HSPB7: variants seen among roughly 807,000 people sequenced by gnomAD.
The protein encoded by HSPB7 is heat shock protein beta-7.
Under a neutral mutation model 11.0 loss-of-function variants are expected in HSPB7, and 9 were observed. The observed-to-expected ratio is 0.82, with a 90% CI of 0.49 to 1.43. The LOEUF (loss-of-function observed/expected upper bound fraction) is 1.43, where lower values mean the gene tolerates loss of function less well. HSPB7 is among the 40% of genes most tolerant of loss of function. HSPB7 has a pLI of 0.00. For missense variants in HSPB7, 246 were observed against 243.9 expected, an observed-to-expected ratio of 1.01 and a Z score of -0.06; for synonymous variants, 102 against 101.6, an observed-to-expected ratio of 1.00 and a Z score of -0.02.
chr1:16,018,057 T>C (rs1270977149), upstream of HSPB7: 1 of 1,599,988 alleles, frequency 6.3e-7, no homozygotes. Flanking sequence ...AGGCTCCGAC[T>C]GCGGCCGCTT....
upstream of HSPB7, chr1:16,019,041 G>A: frequency 1.7e-6 from 2 of 1,198,820 alleles, no homozygotes; most frequent in Non-Finnish European, 2.3e-6. Flanking sequence ...GGCCGAGGTG[G>A]TTTGAACATG....
chr1:16,016,548 G>T (rs1350524530), intron 2 of HSPB7, among the ~76,000 whole-genome samples: 1 of 152,184 alleles, frequency 6.6e-6, no homozygotes, highest in Non-Finnish European at 1.5e-5. Context: ...ACCCGAAACT[G>T]CAGGGCCCCT....
At position 16,017,207 on chromosome 1, in the gene HSPB7, G is replaced by T. The variant is rs751239804; in HGVS notation, c.200C>A (p.Ala67Asp). 6.2e-7 allele frequency: 1 copy of T among 1,612,834 alleles called. No homozygotes were observed. The highest frequency in any genetic ancestry group is 8.5e-7 in the Non-Finnish European group (1 of 1,179,050). ...GATGTTGCCTGCCCCACCGGGGCGG[G>T]CTGTGGGATGGGCTGCTGTGAGCGA... ...RPHSEPLAFP[A>D]RPGGAGNIKT... The change falls in exon 2 of 3, where the codon GCC (alanine) becomes GAC (aspartate). Residue 67 changes from alanine to aspartate, a missense_variant and splice_region_variant. Physicochemically the swap from Ala to Asp is moderately radical, Grantham distance 126 (BLOSUM62 -2). Transcript: ENST00000311890.
At chr1:16,016,974 C>G in intron 2 of HSPB7, 100 bp downstream of exon 2, 2 of 1,271,008 alleles carry the variant, frequency 1.6e-6, no homozygotes, top group East Asian at 2.4e-5. Context: ...GGAAGGGACA[C>G]TGGCCAGGGT....
Position 16,017,905 on chromosome 1 carries a change from G to A in HSPB7, c.59C>T (p.Ser20Phe). ...GGAGGAGGTGGAAGAGGAGGAGGAA[G>A]AGGAAGAGGAATGGAAACTTCTCTC... Reference protein sequence around the residue: ...RAERSFHSSSSSSSSSTSSSA... With the variant: ...RAERSFHSSSFSSSSSTSSSA... The change falls in exon 1 of 3, where the codon TCT becomes TTT. Residue 20 changes from serine (S) to phenylalanine (F), a missense_variant. Physicochemically the swap from Ser to Phe is radical, Grantham distance 155. Transcript: ENST00000311890. 1 of 1,613,236 alleles carries A rather than the reference G, an allele frequency of 6.2e-7. No individual in the cohort carries two copies. The highest frequency in any genetic ancestry group is 8.5e-7 in the Non-Finnish European group (1 of 1,179,358).
At position 16,017,780 on chromosome 1, in the gene HSPB7, G is replaced by T; in HGVS notation, c.184C>A (p.Pro62Thr). ...FGSFMRPHSE[P>T]LAFPARPGGA... The stretch of plus-strand genomic sequence containing the variant: ...GATCACTTGCCTGGGAAGGCCAGGG[G>T]CTCCGAGTGGGGCCGCATGAAGCTG... Residue 62 changes from proline (P) to threonine (T), a missense_variant, in exon 1 of 3, where the codon CCC becomes ACC. Coordinates refer to ENST00000311890, the MANE Select transcript of HSPB7 (RefSeq NM_014424.5). 6.2e-7 allele frequency: 1 copy of T among 1,605,514 alleles called. No homozygotes were observed. Among genetic ancestry groups the T allele is most frequent in the Non-Finnish European group, 8.5e-7 (1 of 1,176,078 alleles).
chr1:16,016,251 G>T lies in HSPB7; in HGVS notation c.334-492C>A, dbSNP rs185863358. ...TGGCACATGCTGCCTGTGGGTTTTGGTGCCCCCAGTCCATGGCATCCCTGG... is the reference window on the plus strand; with the variant it reads ...TGGCACATGCTGCCTGTGGGTTTTGTTGCCCCCAGTCCATGGCATCCCTGG... On this transcript the variant is annotated intron_variant, in intron 2 of 2. Coordinates refer to ENST00000311890, the MANE Select transcript of HSPB7 (RefSeq NM_014424.5). 2.6e-5 allele frequency among the ~76,000 whole-genome samples: 4 copies of T among 152,318 alleles called. No individual in the cohort carries two copies. The East Asian group carries it at 5.8e-4, about 22-fold the overall frequency.
At position 16,017,100 on chromosome 1, in the gene HSPB7, T is replaced by G; in HGVS notation, c.307A>C (p.Asn103His). 1 of 1,612,406 alleles carries G rather than the reference T, an allele frequency of 6.2e-7. No homozygotes were observed. The highest frequency in any genetic ancestry group is 1.7e-5 in the Admixed American group (1 of 59,972). Residue 103 changes from asparagine (N) to histidine (H), a missense_variant, in exon 2 of 3, where the codon AAC (asparagine) becomes CAC (histidine). By Grantham distance (68) the Asn-to-His change is moderately conservative. Coordinates refer to ENST00000311890, the MANE Select transcript of HSPB7 (RefSeq NM_014424.5). Reference sequence around the variant, plus strand: ...TTCTCAGCCCGCACCTCGATGTGGTTGTTGGAGGTGGTGACAATGATGTCT... The same window carrying G: ...TTCTCAGCCCGCACCTCGATGTGGTGGTTGGAGGTGGTGACAATGATGTCT... Reference protein sequence around the residue: ...PEDIIVTTSNNHIEVRAEKLA... With the variant: ...PEDIIVTTSNHHIEVRAEKLA...
At chr1:16,016,032 G>A (rs978417462) in intron 2 of HSPB7, among the ~76,000 whole-genome samples, 1 of 152,350 alleles carries the variant, frequency 6.6e-6, no homozygotes, top group East Asian at 1.9e-4. Context: ...AGGAGGCTCC[G>A]TGGCAGTGGC....
chr1:16,015,605 G>T lies in HSPB7; in HGVS notation c.488C>A (p.Thr163Asn), dbSNP rs777812664. Residue 163 changes from threonine (T) to asparagine (N), a missense_variant, in exon 3 of 3, where the codon ACC becomes AAC. Transcript: ENST00000311890. This position sits in a 1 kb window ranked among gnomAD's most constrained non-coding sequence, Gnocchi z 4.9. ...RHPHTEHVQQ[T>N]FRTEIKI is the part of the protein sequence containing the mutation. Reference sequence around the variant, plus strand: ...TCAGATTTTGATCTCCGTCCGGAAGGTCTGCTGGACGTGTTCTGTATGCGG... The same window carrying T: ...TCAGATTTTGATCTCCGTCCGGAAGTTCTGCTGGACGTGTTCTGTATGCGG... 1.9e-6 allele frequency: 3 copies of T among 1,614,096 alleles called. No individual in the cohort carries two copies. The highest frequency in any genetic ancestry group is 2.5e-6 in the Non-Finnish European group (3 of 1,179,982).
In HSPB7 at chr1:16,015,862, ATGCCGAGGGGCTCTGCCCTCAGG is replaced by A. The variant is rs1400019482; in HGVS notation, c.334-126_334-104del. ...CATTCTAACCCCAGCCAGACCCCAC[ATGCCGAGGGGCTCTGCCCTCAGG>A]TGCCGAGGGGCTGCCCAGGGTGGTG... On this transcript the variant is annotated intron_variant, in intron 2 of 2. Transcript: ENST00000311890. This position sits in a 1 kb window ranked among gnomAD's most constrained non-coding sequence, Gnocchi z 4.9. 1.6e-5 allele frequency: 18 copies of A among 1,097,564 alleles called. No homozygotes were observed. The highest frequency in any genetic ancestry group is 2.6e-5 in the Admixed American group (1 of 38,670). 68.0% of individuals were successfully genotyped at this position (1,097,564 alleles called of 1,614,324 possible). A position where few individuals can be genotyped will look rare whatever the true frequency, so the allele number is the denominator to read the frequency against.
chr1:16,017,362 A>G lies in HSPB7; in HGVS notation c.200-155T>C. 3 of 977,666 alleles carry G rather than the reference A, an allele frequency of 3.1e-6. No individual in the cohort carries two copies. In the South Asian group the frequency reaches 5.0e-5, roughly 16 times the overall value. 60.6% of individuals were successfully genotyped at this position (977,666 alleles called of 1,614,324 possible). On this transcript the variant is annotated intron_variant, in intron 1 of 2. Coordinates refer to ENST00000311890, the MANE Select transcript of HSPB7 (RefSeq NM_014424.5). ...AAGCTCCTCCTCATTCCTACAGCCC[A>G]CCTTTTCTGGGGTGGGGGTGGGGCC...
rs777812664 is a variant in HSPB7 at position 16,015,605 on chromosome 1, G to C, written c.488C>G (p.Thr163Ser). 4 of 1,613,978 alleles carry C rather than the reference G, an allele frequency of 2.5e-6. No individual in the cohort carries two copies. In the African/African-American group the frequency reaches 5.3e-5, roughly 22 times the overall value. The change falls in exon 3 of 3, where the codon ACC becomes AGC. Residue 163 changes from threonine (T) to serine (S), a missense_variant. By Grantham distance (58) the Thr-to-Ser change is moderately conservative (BLOSUM62 1). Coordinates refer to ENST00000311890, the MANE Select transcript of HSPB7 (RefSeq NM_014424.5). This position sits in a 1 kb window ranked among gnomAD's most constrained non-coding sequence, Gnocchi z 4.9. ...TCAGATTTTGATCTCCGTCCGGAAGGTCTGCTGGACGTGTTCTGTATGCGG... is the reference window on the plus strand; with the variant it reads ...TCAGATTTTGATCTCCGTCCGGAAGCTCTGCTGGACGTGTTCTGTATGCGG... ...RHPHTEHVQQ[T>S]FRTEIKI is the part of the protein sequence containing the mutation.
chr1:16,018,873 C>T (rs870038), upstream of HSPB7: 85,413 of 1,337,210 alleles, frequency 0.064, 3,087 homozygotes, highest in South Asian at 0.13. Flanking sequence ...CTGTCCAGCA[C>T]GGCCCCGTTT....
At chr1:16,019,152 G>A (rs1465902103), upstream of HSPB7, 2 of 1,550,198 alleles carry the variant, frequency 1.3e-6, no homozygotes, top group East Asian at 4.9e-5. Context: ...GGGCCAGGGT[G>A]GAGGCCATTC....
Position 16,015,778 on chromosome 1 carries a change from G to C in HSPB7, c.334-19C>G. 6.4e-7 allele frequency: 1 copy of C among 1,560,362 alleles called. No homozygotes were observed. Among genetic ancestry groups the C allele is most frequent in the Non-Finnish European group, 8.7e-7 (1 of 1,151,724 alleles). ...CCGCCAGCTGGGGAAGGGGTGACCC[G>C]TCAGGCAGGCTGCCCCGACCCCTGT... On this transcript the variant is annotated intron_variant, in intron 2 of 2. Coordinates refer to ENST00000311890, the MANE Select transcript of HSPB7 (RefSeq NM_014424.5). The surrounding 1 kb of genome is among the most constrained non-coding windows in gnomAD (Gnocchi z 4.9).
Position 16,017,444 on chromosome 1 carries a change from G to T in HSPB7, c.200-237C>A, listed in dbSNP as rs2021832069. On this transcript the variant is annotated intron_variant, in intron 1 of 2. Transcript: ENST00000311890. ...TAGGTCTGTAACAACCCCACCCCAG[G>T]CCTGGAGCCTGGGGGCTGCCCCCCA... 6 of 595,256 alleles carry T rather than the reference G, an allele frequency of 1.0e-5. 1 individual carries two copies. The South Asian group carries it at 1.4e-4, about 14-fold the overall frequency. The allele number at this position is 595,256 out of a possible 1,614,324, so 36.9% of individuals were successfully genotyped here. A position where few individuals can be genotyped will look rare whatever the true frequency, so the allele number is the denominator to read the frequency against.
In HSPB7 at chr1:16,016,293, T is replaced by C. The variant is rs866314892; in HGVS notation, c.334-534A>G. On this transcript the variant is annotated intron_variant, in intron 2 of 2. Coordinates refer to ENST00000311890, the MANE Select transcript of HSPB7 (RefSeq NM_014424.5). ...CATCCCTGGCAGGGACGCCCAGAAA[T>C]CCACCCTTGAATGTGGAGGGGAAGA... is the stretch of plus-strand genomic sequence containing the variant. Among the ~76,000 whole-genome samples the C allele has an allele frequency of 2.0e-5, 3 of 152,128 alleles. No homozygotes were observed. In the South Asian group the frequency reaches 6.2e-4, roughly 31 times the overall value.
chr1:16,018,053 C>T (rs1298144263), upstream of HSPB7: 5 of 1,601,140 alleles, frequency 3.1e-6, no homozygotes, highest in Middle Eastern at 1.7e-4. Flanking sequence ...TGCCAGGCTC[C>T]GACTGCGGCC....
Sources: allele counts gnomAD v4.1 joint callset (sites outside exome capture counted in the v4.1 genomes callset), GRCh38; gene constraint gnomAD v4.1.1; non-coding constraint Gnocchi (gnomAD v3.1); transcripts MANE v1.5; gene names NCBI Gene and HGNC (gene_info 2026-07-23, HGNC 2026-07-21).